The following PSTPIP1 variants were observed in gnomAD, a reference collection of about 807,000 sequenced individuals.
PSTPIP1 encodes proline-serine-threonine phosphatase-interacting protein 1.
A neutral mutation model predicts 69.6 loss-of-function variants in PSTPIP1; 66 were observed. The ratio of observed to expected loss-of-function variants is 0.95; its 90% CI spans 0.78 to 1.16. The LOEUF (loss-of-function observed/expected upper bound fraction) is 1.16, where lower values mean the gene tolerates loss of function less well. PSTPIP1 is among the 50% of genes most tolerant of loss of function. The pLI is 0.00. For synonymous variants in PSTPIP1, 266 were observed against 222.7 expected, an observed-to-expected ratio of 1.19 and a Z score of -1.73; for missense variants, 603 against 557.4, an observed-to-expected ratio of 1.08 and a Z score of -0.82.
At chr15:77,031,027 G>A (rs748088383) in intron 9 of PSTPIP1, among the ~76,000 whole-genome samples, 153 bp from the exon 10 acceptor site, 2 of 152,176 alleles carry the variant, frequency 1.3e-5, no homozygotes, top group Non-Finnish European at 2.9e-5. Context: ...GCCCGGAGTC[G>A]GGATGGGGAC....
At chr15:77,028,204 G>T in intron 6 of PSTPIP1, 2 of 523,200 alleles carry the variant, frequency 3.8e-6, no homozygotes, top group South Asian at 4.3e-5. Context: ...CCCTGAGCTT[G>T]ATCCTGCGAG....
intron 1 of PSTPIP1, among the ~76,000 whole-genome samples, chr15:77,001,734 T>C (rs931529375): frequency 4.6e-5 from 7 of 152,206 alleles, no homozygotes; most frequent in African/African-American, 1.4e-4. Context: ...GCAGTGCACC[T>C]GGTCGGCAAC....
At chr15:77,032,989 G>A in intron 12 of PSTPIP1, 37 bp downstream of exon 12, 1 of 1,561,106 alleles carries the variant, frequency 6.4e-7, no homozygotes, top group Non-Finnish European at 8.7e-7. Context: ...GCCTAAGGCT[G>A]GGCCAGGAAG....
Position 77,018,510 on chromosome 15 carries a change from C to T in PSTPIP1, c.191C>T (p.Ala64Val). ...GAGCTGGTGCAGATCGCACGGAAGG[C>T]AGGTGGCCAGACGGAGATCAAGTAA... is the stretch of plus-strand genomic sequence containing the variant. ...GKELVQIARK[A>V]GGQTEINSLR... is the part of the protein sequence containing the mutation. The change falls in exon 3 of 15, where the codon GCA becomes GTA. Residue 64 changes from alanine to valine, a missense_variant. Ala to Val is a moderately conservative substitution (Grantham distance 64). Transcript: ENST00000558012. The T allele has an allele frequency of 2.5e-6, 4 of 1,577,252 alleles. No homozygotes were observed. Among genetic ancestry groups the T allele is most frequent in the Non-Finnish European group, 3.4e-6 (4 of 1,161,482 alleles).
intron 5 of PSTPIP1, chr15:77,026,295 A>T (rs2076280456): frequency 4.6e-6 from 2 of 436,442 alleles, no homozygotes; most frequent in South Asian, 3.3e-5. Flanking sequence ...GCCTGTGAGG[A>T]TGGGGGCTGA....
chr15:77,019,907 T>C (rs1181503113), intron 3 of PSTPIP1, among the ~76,000 whole-genome samples: 1 of 152,154 alleles, frequency 6.6e-6, no homozygotes, highest in Non-Finnish European at 1.5e-5. Flanking sequence ...GGGGAGCCCC[T>C]CCTGGTCTCC....
chr15:77,007,413 G>A (rs1596057798), intron 1 of PSTPIP1, among the ~76,000 whole-genome samples: 1 of 152,084 alleles, frequency 6.6e-6, no homozygotes, highest in South Asian at 2.1e-4. Flanking sequence ...TTCAAGACTA[G>A]CCTAGGAAGC....
chr15:77,001,989 T>G (rs1319880515), intron 1 of PSTPIP1, among the ~76,000 whole-genome samples: 1 of 152,222 alleles, frequency 6.6e-6, no homozygotes, highest in East Asian at 1.9e-4. Context: ...AATCAAACAA[T>G]TAAAAATGAA....
chr15:76,994,681 C>A, upstream of PSTPIP1: 1 of 1,134,042 alleles, frequency 8.8e-7, no homozygotes, highest in Non-Finnish European at 1.2e-6. Context: ...TGCCTGCTCA[C>A]CTTGCCTCTG....
rs939792694 is a variant in PSTPIP1 at position 77,027,146 on chromosome 15, CT to C, written c.355-705del. Among the ~76,000 whole-genome samples the C allele has an allele frequency of 3.3e-5, 5 of 152,352 alleles. No homozygotes were observed. Among genetic ancestry groups the C allele is most frequent in the Admixed American group, 3.3e-4 (5 of 15,310 alleles). The stretch of plus-strand genomic sequence containing the variant: ...TGTGTGTGTGAGTGCCTGTGCCTCG[CT>C]GGTCTCCCAGCTGGCACAGAACCCC... On this transcript the variant is annotated intron_variant, in intron 5 of 14. Transcript: ENST00000558012. This position sits in a 1 kb window ranked among gnomAD's most constrained non-coding sequence, Gnocchi z 4.3.
At chr15:76,997,308 G>A (rs1270437076) in intron 1 of PSTPIP1, among the ~76,000 whole-genome samples, 1 of 152,230 alleles carries the variant, frequency 6.6e-6, no homozygotes, top group Non-Finnish European at 1.5e-5. Flanking sequence ...GCAGGAAGGG[G>A]AGAGAAGTAG....
chr15:77,025,193 C>T (rs2076250115), intron 3 of PSTPIP1, 91 bp from the exon 4 acceptor site: 25 of 1,407,730 alleles, frequency 1.8e-5, no homozygotes, highest in South Asian at 8.1e-5. Context: ...AATAAAAGTC[C>T]TCCCCACTGC....
chr15:76,999,727 T>C (rs1017240953), intron 1 of PSTPIP1: 1 of 152,274 alleles, frequency 6.6e-6, no homozygotes, highest in Non-Finnish European at 1.5e-5. Context: ...CATAGTTCAG[T>C]GCCGGGGCTG....
At chr15:77,018,993 T>C (rs1035659464) in intron 3 of PSTPIP1, among the ~76,000 whole-genome samples, 3 of 152,198 alleles carry the variant, frequency 2.0e-5, no homozygotes, top group Non-Finnish European at 4.4e-5. Flanking sequence ...ATGGGCTGGC[T>C]GCTGACACAC....
At position 77,027,882 on chromosome 15, in the gene PSTPIP1, A is replaced by G. The variant is rs1003436432; in HGVS notation, c.385A>G (p.Ser129Gly). ...YEAVMDRVQKSKLSLYKKAME... is the reference protein window; with the variant it reads ...YEAVMDRVQKGKLSLYKKAME... ...GGCCGTCATGGACCGGGTCCAGAAG[A>G]GCAAGCTGTCGCTCTACAAGAAGGC... The change falls in exon 6 of 15, where the codon AGC becomes GGC. Residue 129 changes from serine to glycine, a missense_variant. Physicochemically the swap from Ser to Gly is moderately conservative, Grantham distance 56 (BLOSUM62 0). Transcript: ENST00000558012. This position sits in a 1 kb window ranked among gnomAD's most constrained non-coding sequence, Gnocchi z 4.3. The G allele has an allele frequency of 6.4e-7, 1 of 1,570,786 alleles. No individual in the cohort carries two copies. The highest frequency in any genetic ancestry group is 1.9e-5 in the Admixed American group (1 of 53,730).
intron 1 of PSTPIP1, among the ~76,000 whole-genome samples, chr15:77,004,817 C>T (rs1156477340): frequency 6.6e-6 from 1 of 152,006 alleles, no homozygotes; most frequent in African/African-American, 2.4e-5. Flanking sequence ...TGTATGATCG[C>T]ACCACTGCAC....
At chr15:76,997,958 C>T (rs1022676761) in intron 1 of PSTPIP1, among the ~76,000 whole-genome samples, 21 of 151,676 alleles carry the variant, frequency 1.4e-4, no homozygotes, top group Admixed American at 2.6e-4. Context: ...GGTTTTTAGG[C>T]GGGGTGCAGT....
intron 5 of PSTPIP1, among the ~76,000 whole-genome samples, chr15:77,026,369 C>T (rs1277449350): frequency 6.6e-6 from 1 of 152,188 alleles, no homozygotes; most frequent in African/African-American, 2.4e-5. Flanking sequence ...GCACACAGAT[C>T]CGCTTCTTGC....
rs2076342165 is a variant in PSTPIP1, at chr15:77,028,598, G to C, written c.462G>C (p.Ala154=). The C allele has an allele frequency of 1.9e-6, 3 of 1,602,778 alleles. No individual in the cohort carries two copies. Among genetic ancestry groups the C allele is most frequent in the Admixed American group, 1.7e-5 (1 of 58,462 alleles). Residue 154 remains alanine (A), a synonymous_variant, in exon 7 of 15, where the codon GCG becomes GCC. Transcript: ENST00000558012. ...YEQKCRDADD[A]EQAFERISAN... is the part of the protein sequence containing the mutation. ...AGAAGTGCCGGGACGCGGACGACGCGGAGCAGGCCTTCGAGCGCATTAGCG... is the reference window on the plus strand; with the variant it reads ...AGAAGTGCCGGGACGCGGACGACGCCGAGCAGGCCTTCGAGCGCATTAGCG...
Sources: gnomAD v4.1 joint callset for allele counts (sites outside exome capture counted in the v4.1 genomes callset) on GRCh38, gnomAD v4.1.1 for gene constraint, Gnocchi (gnomAD v3.1) non-coding constraint, MANE v1.5 for transcripts, NCBI Gene and HGNC (gene_info 2026-07-23, HGNC 2026-07-21) for gene names.